SPIN1: variants seen among roughly 807,000 people sequenced by gnomAD.
The protein encoded by SPIN1 is spindlin-1.
In SPIN1, 3 loss-of-function variants were observed where a neutral mutation model predicts 26.0. The ratio of observed to expected loss-of-function variants is 0.12; its 90% CI spans 0.05 to 0.30. The LOEUF (loss-of-function observed/expected upper bound fraction) is 0.30. Ranked by LOEUF, SPIN1 falls within the 10% of genes least tolerant of loss-of-function variation. The pLI, the probability that SPIN1 is intolerant of heterozygous loss-of-function variation, is 1.00. For missense variants in SPIN1, 126 were observed against 333.4 expected (o/e 0.38, Z 4.84); for synonymous variants, 101 against 116.5 (o/e 0.87, Z 0.86).
At chr9:88,424,679 T>G (rs1415618622) in intron 1 of SPIN1, among the ~76,000 whole-genome samples, 1 of 152,182 alleles carries the variant, frequency 6.6e-6, no homozygotes, top group African/African-American at 2.4e-5. Context: ...AGAGATGGTT[T>G]TGAGTATGAG....
chr9:88,430,711 T>G (rs1486828319), intron 2 of SPIN1, among the ~76,000 whole-genome samples: 2 of 152,192 alleles, frequency 1.3e-5, no homozygotes, highest in East Asian at 3.8e-4. Flanking sequence ...TATCTGTGAT[T>G]ATGTTGAAAT....
At chr9:88,398,290 A>T (rs1264301672) in intron 1 of SPIN1, among the ~76,000 whole-genome samples, 1 of 151,936 alleles carries the variant, frequency 6.6e-6, no homozygotes, top group Non-Finnish European at 1.5e-5. Flanking sequence ...TCTGCAGTCA[A>T]GTCCTCTTGG....
chr9:88,410,153 C>A lies in SPIN1; in HGVS notation c.-158-16229C>A, dbSNP rs1404701651. Among the ~76,000 whole-genome samples the A allele has an allele frequency of 2.4e-5, 3 of 124,156 alleles. No individual in the cohort carries two copies. The East Asian group carries it at 6.6e-4, about 27-fold the overall frequency. The allele number at this position is 124,156 out of a possible 152,430, so 81.5% of individuals were successfully genotyped here. A position where few individuals can be genotyped will look rare whatever the true frequency, so the allele number is the denominator to read the frequency against. ...TTTCAAGTTATTTGATGCTTTCATG[C>A]ATATATTTAGTGTGTGTGTGTGTGT... is the stretch of plus-strand genomic sequence containing the variant. On this transcript the variant is annotated intron_variant, in intron 1 of 5. Coordinates refer to ENST00000375859, the MANE Select transcript of SPIN1 (RefSeq NM_006717.3).
chr9:88,394,616 G>A (rs1002275668), intron 1 of SPIN1, among the ~76,000 whole-genome samples: 1 of 151,932 alleles, frequency 6.6e-6, no homozygotes, highest in East Asian at 1.9e-4. Context: ...ACACTAATAA[G>A]CAACTGTAGC....
chr9:88,441,619 A>G lies in SPIN1; in HGVS notation c.53-7322A>G, dbSNP rs144308951. Among the ~76,000 whole-genome samples, 191 of 151,654 alleles carry G rather than the reference A, an allele frequency of 1.3e-3. 3 individuals carry two copies. The highest frequency in any genetic ancestry group is 4.4e-3 in the African/African-American group (181 of 41,132). On this transcript the variant is annotated intron_variant, in intron 2 of 5. Transcript: ENST00000375859. Reference sequence around the variant, plus strand: ...TGAAAAATAAAAATGGCTAGGCATGATGGTGCATTCCTGTAGTCCCAGCTA... The same window carrying G: ...TGAAAAATAAAAATGGCTAGGCATGGTGGTGCATTCCTGTAGTCCCAGCTA...
intron 3 of SPIN1, among the ~76,000 whole-genome samples, chr9:88,457,606 A>G (rs1188060297): frequency 2.0e-5 from 3 of 152,078 alleles, no homozygotes; most frequent in South Asian, 2.1e-4. Context: ...ATTGGCTTCT[A>G]TTGTCTGTAA....
intron 4 of SPIN1, 152 bp downstream of exon 4, chr9:88,462,901 A>G: frequency 1.1e-6 from 1 of 935,194 alleles, no homozygotes; most frequent in East Asian, 2.7e-5. Context: ...AAACCACAAA[A>G]ATGGATCCTA....
chr9:88,456,631 G>A (rs893090651), intron 3 of SPIN1, among the ~76,000 whole-genome samples: 1 of 152,184 alleles, frequency 6.6e-6, no homozygotes, highest in Non-Finnish European at 1.5e-5. Flanking sequence ...ATCAGAACCT[G>A]CACTTACTGC....
At chr9:88,457,748 A>G (rs1032349446) in intron 3 of SPIN1, 1 of 795,762 alleles carries the variant, frequency 1.3e-6, no homozygotes, top group Non-Finnish European at 1.5e-6. Context: ...GCAAAAATCT[A>G]GCGTTTGTAT....
chr9:88,456,249 AATT>A (rs1014016048), intron 3 of SPIN1, among the ~76,000 whole-genome samples: 93 of 150,886 alleles, frequency 6.2e-4, no homozygotes, highest in African/African-American at 2.0e-3. Context: ...TTTGTACTAA[AATT>A]ATGATGAAAT....
chr9:88,462,451 A>T (rs767153541), intron 3 of SPIN1, 45 bp from the exon 4 acceptor site: 1 of 1,591,612 alleles, frequency 6.3e-7, no homozygotes, highest in Non-Finnish European at 8.6e-7. Context: ...CTAGGCATGC[A>T]TACTTTTGAG....
intron 5 of SPIN1, among the ~76,000 whole-genome samples, chr9:88,471,481 G>A (rs1432169033): frequency 6.6e-6 from 1 of 151,554 alleles, no homozygotes; most frequent in Admixed American, 6.6e-5. Flanking sequence ...TGGGCAGCAC[G>A]GGGAAACCCT....
At position 88,444,853 on chromosome 9, in the gene SPIN1, G is replaced by A. The variant is rs145789888; in HGVS notation, c.53-4088G>A. On this transcript the variant is annotated intron_variant, in intron 2 of 5. Coordinates refer to ENST00000375859, the MANE Select transcript of SPIN1 (RefSeq NM_006717.3). ...CTACAGGTGACCACCAGCACGCCCG[G>A]CTAATTTTTTTGTATTTTTAGTAGA... Among the ~76,000 whole-genome samples, 684 of 151,912 alleles carry A rather than the reference G, an allele frequency of 4.5e-3. 4 individuals carry two copies. Among genetic ancestry groups the A allele is most frequent in the Non-Finnish European group, 6.6e-3 (446 of 67,960 alleles).
intron 1 of SPIN1, among the ~76,000 whole-genome samples, chr9:88,395,078 G>GT (rs1394803359): frequency 4.0e-5 from 6 of 151,886 alleles, no homozygotes; most frequent in African/African-American, 1.2e-4. Context: ...AAAGTGCTGG[G>GT]ATTACAGGCG....
Position 88,466,226 on chromosome 9 carries a change from A to C in SPIN1, c.356-2146A>C, listed in dbSNP as rs559907960. 2.6e-5 allele frequency among the ~76,000 whole-genome samples: 4 copies of C among 152,176 alleles called. No individual in the cohort carries two copies. In the South Asian group the frequency reaches 6.2e-4, roughly 24 times the overall value. On this transcript the variant is annotated intron_variant, in intron 4 of 5. Coordinates refer to ENST00000375859, the MANE Select transcript of SPIN1 (RefSeq NM_006717.3). ...CAGGCTGGAGTATAGTGGTGTGATC[A>C]GGGCTCACTGCTGTCTCAACACGTT...
chr9:88,410,488 A>G, intron 1 of SPIN1: 1 of 743,982 alleles, frequency 1.3e-6, no homozygotes, highest in Non-Finnish European at 2.4e-6. Flanking sequence ...CTTCTCTGTC[A>G]CTTCTCTGGT....
chr9:88,459,469 C>A (rs1828534426), intron 3 of SPIN1, among the ~76,000 whole-genome samples: 1 of 152,098 alleles, frequency 6.6e-6, no homozygotes, highest in Admixed American at 6.5e-5. Context: ...TATATTGGTT[C>A]CTTACTGTGA....
At chr9:88,439,000 G>T (rs1828064465) in intron 2 of SPIN1, among the ~76,000 whole-genome samples, 1 of 152,128 alleles carries the variant, frequency 6.6e-6, no homozygotes, top group Admixed American at 6.6e-5. Flanking sequence ...CCATCCAGTA[G>T]AATGCTTGCT....
chr9:88,422,918 C>T (rs1827698272), intron 1 of SPIN1, among the ~76,000 whole-genome samples: 1 of 152,080 alleles, frequency 6.6e-6, no homozygotes, highest in South Asian at 2.1e-4. Context: ...CTATGTTGGC[C>T]AGGCTGGTCT....
Sources: allele counts gnomAD v4.1 joint callset (sites outside exome capture counted in the v4.1 genomes callset), GRCh38; gene constraint gnomAD v4.1.1; transcripts MANE v1.5; gene names NCBI Gene and HGNC (gene_info 2026-07-23, HGNC 2026-07-21).